Variants in ABCC11 observed in about 807,000 individuals in gnomAD.
ABCC11 encodes the protein ATP-binding cassette sub-family C member 11.
A neutral mutation model predicts 149.3 loss-of-function variants in ABCC11; 135 were observed. The ratio of observed to expected loss-of-function variants is 0.90; its 90% CI spans 0.79 to 1.04. ABCC11 has a LOEUF of 1.04. ABCC11 is among the 50% of genes least tolerant of loss of function. The pLI is 0.00. For synonymous variants in ABCC11, 665 were observed against 671.4 expected, an observed-to-expected ratio of 0.99 and a Z score of 0.15; for missense variants, 1,680 against 1,722.1, an observed-to-expected ratio of 0.98 and a Z score of 0.43.
chr16:48,167,291 T>C lies in ABCC11; in HGVS notation c.4132A>G (p.Thr1378Ala). 1 of 828,200 alleles carries C rather than the reference T, an allele frequency of 1.2e-6. No individual in the cohort carries two copies. Among genetic ancestry groups the C allele is most frequent in the Non-Finnish European group, 2.2e-6 (1 of 461,382 alleles). 51.3% of individuals were successfully genotyped at this position (828,200 alleles called of 1,614,324 possible). ...SLFAALMATA[T>A]SSLR Reference sequence around the variant, plus strand: ...ACATCTCCTTATCTCAGTGAAGAAGTGGCTGTGGCCATGAGGGCTGCGAAC... The same window carrying C: ...ACATCTCCTTATCTCAGTGAAGAAGCGGCTGTGGCCATGAGGGCTGCGAAC... Residue 1378 changes from threonine to alanine, a missense_variant, in exon 30 of 30, where the codon ACT (threonine) becomes GCT (alanine). Physicochemically the swap from Thr to Ala is moderately conservative, Grantham distance 58. Transcript: ENST00000356608.
chr16:48,215,076 C>A, intron 8 of ABCC11, 47 bp from the exon 9 acceptor site: 1 of 1,606,608 alleles, frequency 6.2e-7, no homozygotes, highest in Non-Finnish European at 8.5e-7. Flanking sequence ...CAAGAACATT[C>A]TCCAAAGAGC....
chr16:48,238,795 G>T (rs965005316), intron 1 of ABCC11, among the ~76,000 whole-genome samples: 2 of 151,760 alleles, frequency 1.3e-5, no homozygotes, highest in African/African-American at 4.8e-5. Flanking sequence ...AAATTAGCCA[G>T]GCTTGGTGGT....
intron 6 of ABCC11, among the ~76,000 whole-genome samples, chr16:48,221,494 C>A (rs1289224428): frequency 5.3e-5 from 8 of 151,670 alleles, no homozygotes; most frequent in Non-Finnish European, 7.4e-5. Context: ...AATAACCAGG[C>A]AGGTGAAAGG....
At chr16:48,167,888 G>A (rs1965439376) in intron 28 of ABCC11, among the ~76,000 whole-genome samples, 1 of 152,096 alleles carries the variant, frequency 6.6e-6, no homozygotes, top group Non-Finnish European at 1.5e-5. Context: ...GCATTTTAGT[G>A]GCCAGAGAAT....
Position 48,168,055 on chromosome 16 carries a change from A to G in ABCC11, c.3892-395T>C, listed in dbSNP as rs758232042. On this transcript the variant is annotated intron_variant, in intron 28 of 29. Transcript: ENST00000356608. The stretch of plus-strand genomic sequence containing the variant: ...TGATTTCTCCAGCATATGGATAAAC[A>G]TTCTTTTTAGTTTAACATTTTTGTA... 2.8e-4 allele frequency among the ~76,000 whole-genome samples: 42 copies of G among 152,342 alleles called. 2 individuals carry two copies. The highest frequency in any genetic ancestry group is 1.5e-3 in the East Asian group (8 of 5,190).
intron 1 of ABCC11, among the ~76,000 whole-genome samples, chr16:48,232,485 T>A (rs559181156): frequency 6.6e-6 from 1 of 152,172 alleles, no homozygotes; most frequent in Non-Finnish European, 1.5e-5. Flanking sequence ...CTTTCACTCT[T>A]GGTTTTCACA....
chr16:48,220,419 G>A (rs575081429), intron 6 of ABCC11, among the ~76,000 whole-genome samples: 8 of 152,334 alleles, frequency 5.3e-5, no homozygotes, highest in Middle Eastern at 3.4e-3. Context: ...TTGGAGCAAC[G>A]TATGGCTAAG....
chr16:48,192,757 G>A, intron 19 of ABCC11, 40 bp from the exon 20 acceptor site: 1 of 1,598,132 alleles, frequency 6.3e-7, no homozygotes, highest in South Asian at 1.1e-5. Context: ...AGGTGTCCGG[G>A]GGAAATTCAG....
chr16:48,246,486 C>T (rs1469412567), intron 1 of ABCC11, among the ~76,000 whole-genome samples: 1 of 152,206 alleles, frequency 6.6e-6, no homozygotes, highest in African/African-American at 2.4e-5. Context: ...ACATTGTGAA[C>T]TTGAAAAGTC....
At chr16:48,194,420 G>A (rs373880165) in intron 18 of ABCC11, among the ~76,000 whole-genome samples, 5 of 152,302 alleles carry the variant, frequency 3.3e-5, no homozygotes, top group Middle Eastern at 3.4e-3. Flanking sequence ...TATGTGGTAC[G>A]TACTATTATG....
intron 6 of ABCC11, among the ~76,000 whole-genome samples, chr16:48,218,908 G>A (rs1011407095): frequency 6.6e-6 from 1 of 152,102 alleles, no homozygotes; most frequent in Non-Finnish European, 1.5e-5. Context: ...AAATAAGGAC[G>A]ATCTATGTGT....
intron 24 of ABCC11, 84 bp from the exon 25 acceptor site, chr16:48,177,197 A>C: frequency 7.0e-7 from 1 of 1,429,302 alleles, no homozygotes; most frequent in Non-Finnish European, 9.5e-7. Context: ...CTCCCGCTGT[A>C]GGGGGTGTGA....
chr16:48,205,391 C>G (rs1968346208), intron 13 of ABCC11, 22 bp downstream of exon 13: 1 of 1,613,918 alleles, frequency 6.2e-7, no homozygotes, highest in South Asian at 1.1e-5. Flanking sequence ...TGTACTCTCC[C>G]TTTCCCCTCC....
chr16:48,192,848 G>A, intron 19 of ABCC11, 131 bp from the exon 20 acceptor site: 2 of 865,280 alleles, frequency 2.3e-6, no homozygotes, highest in Non-Finnish European at 3.7e-6. Flanking sequence ...AAACCTCCCT[G>A]CTCAGCGCTT....
intron 3 of ABCC11, among the ~76,000 whole-genome samples, chr16:48,228,536 C>A (rs895373589): frequency 6.6e-6 from 1 of 151,752 alleles, no homozygotes; most frequent in Non-Finnish European, 1.5e-5. Flanking sequence ...GCACAGGTTG[C>A]AGTGAGCCGA....
chr16:48,232,540 C>T (rs1437305594), intron 1 of ABCC11, among the ~76,000 whole-genome samples: 1 of 152,090 alleles, frequency 6.6e-6, no homozygotes, highest in African/African-American at 2.4e-5. Flanking sequence ...CTTAAATAAT[C>T]AGGGTTCTTT....
At chr16:48,225,853 T>C (rs767070058) in intron 4 of ABCC11, among the ~76,000 whole-genome samples, 2 of 152,188 alleles carry the variant, frequency 1.3e-5, no homozygotes, top group Admixed American at 6.5e-5. Context: ...TTTGCGTATA[T>C]AGTGAGATCT....
At chr16:48,195,268 T>A (rs2150797706) in intron 18 of ABCC11, among the ~76,000 whole-genome samples, 1 of 152,342 alleles carries the variant, frequency 6.6e-6, no homozygotes, top group South Asian at 2.1e-4. Flanking sequence ...CTTGGCACAG[T>A]GCCTGGAACA....
At chr16:48,236,817 C>A (rs1052502497) in intron 1 of ABCC11, among the ~76,000 whole-genome samples, 1 of 152,150 alleles carries the variant, frequency 6.6e-6, no homozygotes, top group Non-Finnish European at 1.5e-5. Flanking sequence ...TATAGAGCAG[C>A]ATTAATTTGT....
Sources: gnomAD v4.1 joint callset for allele counts (sites outside exome capture counted in the v4.1 genomes callset) on GRCh38, gnomAD v4.1.1 for gene constraint, MANE v1.5 for transcripts, NCBI Gene and HGNC (gene_info 2026-07-23, HGNC 2026-07-21) for gene names.